AFF2: variants seen among roughly 807,000 people sequenced by gnomAD.
AFF2 encodes the protein ALF transcription elongation factor 2.
Under a neutral mutation model 76.9 loss-of-function variants are expected in AFF2, and 14 were observed. That is an observed-to-expected ratio of 0.18 (90% CI 0.12 to 0.28). The LOEUF (loss-of-function observed/expected upper bound fraction) is 0.28. Among genes scored for constraint, AFF2 ranks in the 10% least tolerant of loss-of-function variants. The pLI is 1.00. For synonymous variants in AFF2, 398 were observed against 366.7 expected (o/e 1.09, Z -0.98); for missense variants, 868 against 1,001.1 (o/e 0.87, Z 1.79).
chrX:148,770,053 A>G (rs1178565714), intron 3 of AFF2, among the ~76,000 whole-genome samples: 1 of 111,621 alleles, frequency 9.0e-6, no homozygotes, highest in Non-Finnish European at 1.9e-5. Context: ...AGTGCCTACT[A>G]TATGCGAGTA....
chrX:148,755,483 A>C (rs1204723901), intron 3 of AFF2, among the ~76,000 whole-genome samples: 1 of 111,632 alleles, frequency 9.0e-6, no homozygotes, highest in Non-Finnish European at 1.9e-5. Flanking sequence ...TTAGAATCAC[A>C]TGCTGTTAGG....
At chrX:148,981,544 T>A (rs2072392960) in intron 19 of AFF2, among the ~76,000 whole-genome samples, 1 of 110,841 alleles carries the variant, frequency 9.0e-6, no homozygotes, top group Non-Finnish European at 1.9e-5. Context: ...TTATAGAGAG[T>A]GAGTTCGAAT....
chrX:148,776,944 G>A (rs1005204612), intron 3 of AFF2, among the ~76,000 whole-genome samples: 2 of 111,901 alleles, frequency 1.8e-5, no homozygotes, highest in Non-Finnish European at 3.8e-5. Flanking sequence ...CCTCTGTCCT[G>A]AATGGTATTG....
chrX:148,537,359 G>A (rs782070697), intron 1 of AFF2, among the ~76,000 whole-genome samples: 2 of 111,289 alleles, frequency 1.8e-5, no homozygotes, highest in Non-Finnish European at 3.8e-5. Context: ...ATATTAATAG[G>A]TACAAACATT....
intron 1 of AFF2, among the ~76,000 whole-genome samples, chrX:148,600,098 G>A (rs139795567): frequency 0.011 from 1,284 of 112,331 alleles, 19 homozygotes; most frequent in African/African-American, 0.039. Flanking sequence ...TTGTGTATGT[G>A]TGACTCTTCC....
chrX:148,735,082 A>G, intron 3 of AFF2, among the ~76,000 whole-genome samples: 1 of 112,280 alleles, frequency 8.9e-6, no homozygotes, highest in East Asian at 2.8e-4. Context: ...CAGAGGTTTG[A>G]CAGATATGCA....
chrX:148,718,398 G>A (rs1380797473), intron 3 of AFF2, among the ~76,000 whole-genome samples: 1 of 110,833 alleles, frequency 9.0e-6, no homozygotes, highest in Non-Finnish European at 1.9e-5. Context: ...ACTGGGAAGG[G>A]CAATGGACCT....
chrX:148,801,213 T>A (rs2070054221), intron 3 of AFF2, among the ~76,000 whole-genome samples: 1 of 111,997 alleles, frequency 8.9e-6, no homozygotes, highest in Admixed American at 9.5e-5. Flanking sequence ...TTAATCAGTG[T>A]TGGAAAAAGC....
chrX:148,921,493 T>C (rs1484652351), intron 9 of AFF2, among the ~76,000 whole-genome samples: 2 of 112,452 alleles, frequency 1.8e-5, no homozygotes, highest in Non-Finnish European at 3.8e-5. Flanking sequence ...TTCATAAAAA[T>C]GGAATCATAC....
chrX:148,981,255 GC>G (rs61219165), intron 19 of AFF2, among the ~76,000 whole-genome samples: 2,278 of 111,750 alleles, frequency 0.02, 53 homozygotes, highest in African/African-American at 0.069. Context: ...ATACTAAAAT[GC>G]CCTAGCCTAA....
chrX:148,659,308 T>A (rs1557257472), intron 2 of AFF2, among the ~76,000 whole-genome samples: 1 of 112,340 alleles, frequency 8.9e-6, no homozygotes, highest in African/African-American at 3.2e-5. Context: ...ATGAACCTCT[T>A]TTATTTACTC....
chrX:148,959,778 G>T (rs1557287812), intron 12 of AFF2, among the ~76,000 whole-genome samples: 1 of 112,398 alleles, frequency 8.9e-6, no homozygotes, highest in East Asian at 2.8e-4. Flanking sequence ...GGCATGTGAG[G>T]AAGCATGCTC....
At chrX:148,856,825 A>G (rs1023264257) in intron 7 of AFF2, among the ~76,000 whole-genome samples, 9 of 112,531 alleles carry the variant, frequency 8.0e-5, no homozygotes, top group African/African-American at 2.6e-4. Flanking sequence ...CTTTATTCCC[A>G]GTTTTTGCAT....
intron 2 of AFF2, among the ~76,000 whole-genome samples, chrX:148,658,886 A>G (rs1251550283): frequency 2.7e-5 from 3 of 112,218 alleles, no homozygotes; most frequent in African/African-American, 9.7e-5. Context: ...TAGACAGGGT[A>G]TGAATTTTAA....
chrX:148,928,150 T>G (rs1557284009), intron 9 of AFF2, among the ~76,000 whole-genome samples: 2 of 111,584 alleles, frequency 1.8e-5, no homozygotes. Flanking sequence ...TAAAAGCAAT[T>G]GAAAAAGAAG....
intron 1 of AFF2, among the ~76,000 whole-genome samples, chrX:148,505,969 G>C (rs2052410639): frequency 9.0e-6 from 1 of 111,100 alleles, no homozygotes; most frequent in Admixed American, 9.6e-5. Flanking sequence ...GTGTGTGTGT[G>C]TGTGTGTGTG....
chrX:148,699,868 C>T (rs896011078), intron 3 of AFF2, among the ~76,000 whole-genome samples: 2 of 111,921 alleles, frequency 1.8e-5, no homozygotes, highest in African/African-American at 3.2e-5. Context: ...TAAGTATATC[C>T]GATCAAATGT....
chrX:148,975,943 C>CAAAAAAAA (rs59057839), intron 16 of AFF2, among the ~76,000 whole-genome samples: 1 of 22,715 alleles, frequency 4.4e-5, no homozygotes, highest in African/African-American at 9.3e-5. Context: ...GACTCCGTCT[C>CAAAAAAAA]AAAAAAAAAA....
At chrX:148,600,930 C>T (rs1366024527) in intron 1 of AFF2, among the ~76,000 whole-genome samples, 1 of 112,343 alleles carries the variant, frequency 8.9e-6, no homozygotes, top group African/African-American at 3.2e-5. Context: ...ATGAGCTTGG[C>T]AAGTTGAAGA....
Sources: allele counts gnomAD v4.1 joint callset (sites outside exome capture counted in the v4.1 genomes callset), GRCh38; gene constraint gnomAD v4.1.1; transcripts MANE v1.5; gene names NCBI Gene and HGNC (gene_info 2026-07-23, HGNC 2026-07-21).